Variants in FEZ1 observed in about 807,000 individuals in gnomAD.
The protein encoded by FEZ1 is fasciculation and elongation protein zeta 1.
Under a neutral mutation model 49.3 loss-of-function variants are expected in FEZ1, and 20 were observed. The ratio of observed to expected loss-of-function variants is 0.41; its 90% CI spans 0.29 to 0.59. The LOEUF (loss-of-function observed/expected upper bound fraction) is 0.59, where lower values mean the gene tolerates loss of function less well. Among genes scored for constraint, FEZ1 ranks in the 20% least tolerant of loss-of-function variants. The probability of loss-of-function intolerance (pLI) is 0.36; values close to 1 mark genes in which losing one functional copy is unlikely to be tolerated. For missense variants in FEZ1, 413 were observed against 476.0 expected, an observed-to-expected ratio of 0.87 and a Z score of 1.23; for synonymous variants, 170 against 180.9, an observed-to-expected ratio of 0.94 and a Z score of 0.48.
intron 3 of FEZ1, among the ~76,000 whole-genome samples, chr11:125,479,424 G>A (rs1301904527): frequency 6.6e-6 from 1 of 152,192 alleles, no homozygotes; most frequent in African/African-American, 2.4e-5. Context: ...AGCCCTTCCT[G>A]ACGATAAATT....
intron 2 of FEZ1, among the ~76,000 whole-genome samples, chr11:125,484,552 C>A (rs1420598883): frequency 1.3e-5 from 2 of 151,660 alleles, no homozygotes; most frequent in Non-Finnish European, 2.9e-5. Flanking sequence ...CCTGTAATCT[C>A]AGCTACTTGG....
chr11:125,452,921 G>A (rs12285250), intron 7 of FEZ1: 1 of 152,608 alleles, frequency 6.6e-6, no homozygotes, highest in South Asian at 2.1e-4. Flanking sequence ...GCCTGAGGTG[G>A]TGAGTGCCAG....
intron 2 of FEZ1, chr11:125,481,904 A>G (rs1425842552): frequency 6.1e-6 from 3 of 488,022 alleles, no homozygotes; most frequent in Non-Finnish European, 1.1e-5. Flanking sequence ...AAATGGCAGC[A>G]TCTATAATCA....
chr11:125,476,441 C>T (rs1294181787), intron 3 of FEZ1, among the ~76,000 whole-genome samples: 1 of 151,972 alleles, frequency 6.6e-6, no homozygotes, highest in African/African-American at 2.4e-5. Flanking sequence ...TAATCATCTC[C>T]ACAGAGGCAG....
At chr11:125,476,914 T>G (rs1957238141) in intron 3 of FEZ1, among the ~76,000 whole-genome samples, 1 of 152,122 alleles carries the variant, frequency 6.6e-6, no homozygotes, top group Non-Finnish European at 1.5e-5. Context: ...TTTTAAAATA[T>G]GGTAACCAGA....
intron 1 of FEZ1, among the ~76,000 whole-genome samples, chr11:125,493,359 G>GAGAAAAGAA (rs1565306650): frequency 3.4e-5 from 2 of 58,126 alleles, no homozygotes; most frequent in Non-Finnish European, 6.7e-5. Context: ...GAAAGAAAGA[G>GAGAAAAGAA]AGAAAAGAAA....
intron 3 of FEZ1, among the ~76,000 whole-genome samples, chr11:125,470,206 T>C (rs1957172920): frequency 6.6e-6 from 1 of 152,216 alleles, no homozygotes; most frequent in Admixed American, 6.5e-5. Flanking sequence ...TTCCTCAAAA[T>C]GTGTCCTATT....
intron 8 of FEZ1, among the ~76,000 whole-genome samples, chr11:125,452,043 A>G (rs1385091742): frequency 6.6e-6 from 1 of 152,196 alleles, no homozygotes; most frequent in African/African-American, 2.4e-5. Context: ...GGGGAAAACA[A>G]AAAGTCCCCT....
At chr11:125,459,571 G>A (rs1409926472) in intron 5 of FEZ1, among the ~76,000 whole-genome samples, 2 of 152,252 alleles carry the variant, frequency 1.3e-5, no homozygotes, top group Non-Finnish European at 2.9e-5. Flanking sequence ...TAGCCTGGGC[G>A]ACAGAGCGAG....
chr11:125,453,976 G>T, intron 7 of FEZ1, 154 bp downstream of exon 7: 8 of 395,652 alleles, frequency 2.0e-5, no homozygotes, highest in Admixed American at 4.4e-5. Context: ...GATATTCTCT[G>T]TTCCTCCTTA....
chr11:125,494,880 G>T (rs2135798352), intron 1 of FEZ1, among the ~76,000 whole-genome samples: 1 of 152,142 alleles, frequency 6.6e-6, no homozygotes, highest in Non-Finnish European at 1.5e-5. Context: ...ACCCCGCTGG[G>T]CCTCGGCACC....
At chr11:125,448,911 G>A (rs1454253843) in intron 8 of FEZ1, among the ~76,000 whole-genome samples, 4 of 151,860 alleles carry the variant, frequency 2.6e-5, no homozygotes, top group Non-Finnish European at 4.4e-5. Context: ...GGTGGCACAC[G>A]CCTGTAGTCC....
rs180941868 is a variant in FEZ1 at position 125,468,374 on chromosome 11, C to T, written c.412-4804G>A. Among the ~76,000 whole-genome samples the T allele has an allele frequency of 2.5e-3, 376 of 152,024 alleles. 6 individuals carry two copies. The highest frequency in any genetic ancestry group is 7.3e-3 in the African/African-American group (302 of 41,480). ...TTCATTTTTTTGTAAAGATTGAGTC[C>T]AATACTCCCTCTTTATCTTTACCCA... On this transcript the variant is annotated intron_variant, in intron 3 of 9. Transcript: ENST00000278919.
chr11:125,475,894 A>C (rs1326267108), intron 3 of FEZ1, among the ~76,000 whole-genome samples: 1 of 152,234 alleles, frequency 6.6e-6, no homozygotes, highest in Non-Finnish European at 1.5e-5. Context: ...AAGTAGAAAA[A>C]AAACTGTTCA....
In FEZ1 at chr11:125,478,011, T is replaced by C. The variant is rs141738581; in HGVS notation, c.411+3523A>G. On this transcript the variant is annotated intron_variant, in intron 3 of 9. Coordinates refer to ENST00000278919, the MANE Select transcript of FEZ1 (RefSeq NM_005103.5). Reference sequence around the variant, plus strand: ...GCATTAATTAACTTTTTAAACTATGTAGACGTGTTACTTTGATTTTAACAA... The same window carrying C: ...GCATTAATTAACTTTTTAAACTATGCAGACGTGTTACTTTGATTTTAACAA... Among the ~76,000 whole-genome samples, 515 of 152,370 alleles carry C rather than the reference T, an allele frequency of 3.4e-3. 1 individual carries two copies. Among genetic ancestry groups the C allele is most frequent in the African/African-American group, 0.012 (487 of 41,580 alleles).
rs755994081 is a variant in FEZ1 at position 125,444,098 on chromosome 11, G to T, written c.*1997C>A. Among the ~76,000 whole-genome samples the T allele has an allele frequency of 2.0e-4, 26 of 131,302 alleles. No individual in the cohort carries two copies. The highest frequency in any genetic ancestry group is 3.6e-4 in the Non-Finnish European group (21 of 58,296). 86.1% of individuals were successfully genotyped at this position (131,302 alleles called of 152,430 possible). A position where few individuals can be genotyped will look rare whatever the true frequency, so the allele number is the denominator to read the frequency against. ...TCAGCCTTAGCACCAGTGAACTGCC[G>T]AACTGAATCCATGCCCTTTTATCAC... On this transcript the variant is annotated 3_prime_UTR_variant, in exon 10 of 10. Coordinates refer to ENST00000278919, the MANE Select transcript of FEZ1 (RefSeq NM_005103.5).
At chr11:125,467,237 T>A (rs1403115011) in intron 3 of FEZ1, among the ~76,000 whole-genome samples, 1 of 151,906 alleles carries the variant, frequency 6.6e-6, no homozygotes, top group East Asian at 1.9e-4. Context: ...GAGATAGGGG[T>A]CTCACTGTGT....
At position 125,444,313 on chromosome 11, in the gene FEZ1, C is replaced by T. The variant is rs942975399; in HGVS notation, c.*1782G>A. 6.6e-5 allele frequency among the ~76,000 whole-genome samples: 10 copies of T among 152,154 alleles called. No individual in the cohort carries two copies. Among genetic ancestry groups the T allele is most frequent in the African/African-American group, 1.9e-4 (8 of 41,428 alleles). On this transcript the variant is annotated 3_prime_UTR_variant, in exon 10 of 10. Transcript: ENST00000278919. ...GGAAAAGCAGAAGCCGAGCTAGGCG[C>T]GGTGACTCACGCCTATAATCCCAGC...
intron 2 of FEZ1, among the ~76,000 whole-genome samples, chr11:125,483,123 A>G (rs1194551711): frequency 1.3e-5 from 2 of 152,118 alleles, no homozygotes; most frequent in Admixed American, 6.6e-5. Context: ...GCAAGTATGT[A>G]TATATACACC....
Sources: allele counts gnomAD v4.1 joint callset (sites outside exome capture counted in the v4.1 genomes callset), GRCh38; gene constraint gnomAD v4.1.1; transcripts MANE v1.5; gene names NCBI Gene and HGNC (gene_info 2026-07-23, HGNC 2026-07-21).